Variants in GRID2 observed in about 807,000 individuals in gnomAD.
The protein encoded by GRID2 is glutamate receptor ionotropic, delta-2.
In GRID2, 33 loss-of-function variants were observed where a neutral mutation model predicts 114.8. That is an observed-to-expected ratio of 0.29 (90% CI 0.22 to 0.38). The LOEUF (loss-of-function observed/expected upper bound fraction) is 0.38. Ranked by LOEUF, GRID2 falls within the 10% of genes least tolerant of loss-of-function variation. The pLI is 1.00. For synonymous variants in GRID2, 505 were observed against 449.9 expected (o/e 1.12, Z -1.55); for missense variants, 1,184 against 1,257.7 (o/e 0.94, Z 0.89).
chr4:92,823,227 A>G lies in GRID2; in HGVS notation c.244+232941A>G, dbSNP rs73837353. ...GGAGAAAAGAAGTTGTCTATTGCCA[A>G]TTGGTACAAGGATTAAAATTAGGAA... On this transcript the variant is annotated intron_variant, in intron 2 of 15. Coordinates refer to ENST00000282020, the MANE Select transcript of GRID2 (RefSeq NM_001510.4). Among the ~76,000 whole-genome samples the G allele has an allele frequency of 5.2e-3, 796 of 152,260 alleles. 6 individuals are homozygous for G. Among genetic ancestry groups the G allele is most frequent in the African/African-American group, 0.018 (742 of 41,556 alleles).
At chr4:92,794,539 T>G (rs1196450789) in intron 2 of GRID2, among the ~76,000 whole-genome samples, 1 of 151,892 alleles carries the variant, frequency 6.6e-6, no homozygotes. Context: ...TAAATTGATA[T>G]GTTTATCCTC....
At chr4:93,696,481 TCTC>T (rs1727031606) in intron 14 of GRID2, among the ~76,000 whole-genome samples, 1 of 152,182 alleles carries the variant, frequency 6.6e-6, no homozygotes. Flanking sequence ...TCTTAAAACC[TCTC>T]CTCCCTTGGT....
chr4:92,615,428 A>G (rs1178192258), intron 2 of GRID2, among the ~76,000 whole-genome samples: 2 of 151,704 alleles, frequency 1.3e-5, no homozygotes, highest in African/African-American at 4.8e-5. Context: ...TCAGTTCATA[A>G]TATCAGTGTA....
chr4:93,327,339 C>G (rs1757940985), intron 8 of GRID2, among the ~76,000 whole-genome samples: 1 of 152,086 alleles, frequency 6.6e-6, no homozygotes, highest in Non-Finnish European at 1.5e-5. Flanking sequence ...AATGGATTTT[C>G]CCTCAGTCTT....
chr4:92,726,241 T>C (rs115228230), intron 2 of GRID2, among the ~76,000 whole-genome samples: 1,557 of 152,252 alleles, frequency 0.01, 23 homozygotes, highest in African/African-American at 0.036. Flanking sequence ...TTCTCTCAAA[T>C]ATATTCTCTT....
chr4:93,412,229 T>TC (rs572500641), intron 9 of GRID2, among the ~76,000 whole-genome samples: 2,333 of 101,904 alleles, frequency 0.023, 47 homozygotes, highest in African/African-American at 0.069. Flanking sequence ...GTAAGACCCA[T>TC]CCCCCCCCCC....
chr4:93,169,694 C>G (rs1738608788), intron 4 of GRID2, among the ~76,000 whole-genome samples: 1 of 152,174 alleles, frequency 6.6e-6, no homozygotes, highest in South Asian at 2.1e-4. Context: ...ATTTTATACA[C>G]TAAAGCTCAA....
chr4:92,550,255 T>A (rs1487693627), intron 1 of GRID2, among the ~76,000 whole-genome samples: 2 of 152,180 alleles, frequency 1.3e-5, no homozygotes, highest in African/African-American at 4.8e-5. Context: ...ACATAGATTA[T>A]ATTTTTTGTT....
chr4:93,278,659 T>TAGTC (rs1752330252), intron 8 of GRID2, among the ~76,000 whole-genome samples: 1 of 151,932 alleles, frequency 6.6e-6, no homozygotes, highest in South Asian at 2.1e-4. Context: ...AAGCAGCTCA[T>TAGTC]AGTCCACTGA....
chr4:92,401,853 A>T (rs565826876), intron 1 of GRID2, among the ~76,000 whole-genome samples: 1 of 152,314 alleles, frequency 6.6e-6, no homozygotes, highest in South Asian at 2.1e-4. Context: ...TTGCCACATC[A>T]GTTGACACTA....
intron 2 of GRID2, among the ~76,000 whole-genome samples, chr4:92,982,647 A>G (rs1196497751): frequency 3.3e-5 from 5 of 151,930 alleles, no homozygotes; most frequent in African/African-American, 7.2e-5. Context: ...CTCCTCTCAA[A>G]CATTCTTTAC....
intron 7 of GRID2, among the ~76,000 whole-genome samples, chr4:93,233,335 AT>A (rs1210273655): frequency 0.07 from 7,319 of 104,544 alleles, 278 homozygotes; most frequent in Admixed American, 0.2. Flanking sequence ...TATTATTATT[AT>A]TTTTTTTTTT....
At chr4:93,301,486 T>C (rs1754863578) in intron 8 of GRID2, among the ~76,000 whole-genome samples, 1 of 152,172 alleles carries the variant, frequency 6.6e-6, no homozygotes, top group African/African-American at 2.4e-5. Flanking sequence ...AAAAGCATTA[T>C]GTAGTTTTAA....
chr4:92,869,169 A>C (rs1316639425), intron 2 of GRID2, among the ~76,000 whole-genome samples: 1 of 152,218 alleles, frequency 6.6e-6, no homozygotes, highest in East Asian at 1.9e-4. Context: ...ATTAGATTAC[A>C]TCCCGCTTAC....
intron 1 of GRID2, among the ~76,000 whole-genome samples, chr4:92,384,567 TAATATATAAAATATATTATATTATATATA>T (rs1729812988): frequency 1.4e-5 from 1 of 72,186 alleles, no homozygotes; most frequent in Non-Finnish European, 2.4e-5. Context: ...ATATATAATA[TAATATATAAAATATATTATATTATATATA>T]ACATAATATA....
At chr4:92,812,013 A>G (rs1376121585) in intron 2 of GRID2, among the ~76,000 whole-genome samples, 1 of 152,110 alleles carries the variant, frequency 6.6e-6, no homozygotes, top group East Asian at 1.9e-4. Flanking sequence ...AGTAAACTCC[A>G]TTTGTTTGCT....
chr4:93,747,828 T>C (rs1731978809), intron 14 of GRID2, among the ~76,000 whole-genome samples: 1 of 152,022 alleles, frequency 6.6e-6, no homozygotes, highest in African/African-American at 2.4e-5. Flanking sequence ...AAGTCAAAAA[T>C]TTATTAAATA....
At chr4:92,442,578 G>A (rs973421338) in intron 1 of GRID2, among the ~76,000 whole-genome samples, 7 of 152,036 alleles carry the variant, frequency 4.6e-5, no homozygotes, top group African/African-American at 1.2e-4. Flanking sequence ...CCTTGAAGGC[G>A]AGGTTAATTA....
chr4:92,823,538 T>C (rs1477331543), intron 2 of GRID2, among the ~76,000 whole-genome samples: 1 of 152,150 alleles, frequency 6.6e-6, no homozygotes, highest in Non-Finnish European at 1.5e-5. Context: ...TCTGTTTGAC[T>C]AGAAAACTCC....
Sources: gnomAD v4.1 joint callset for allele counts (sites outside exome capture counted in the v4.1 genomes callset) on GRCh38, gnomAD v4.1.1 for gene constraint, MANE v1.5 for transcripts, NCBI Gene and HGNC (gene_info 2026-07-23, HGNC 2026-07-21) for gene names.